The following HLA-F variants were observed in gnomAD, a reference collection of about 807,000 sequenced individuals.
HLA-F encodes the protein HLA class I histocompatibility antigen, alpha chain F.
HLA-F carries 46 observed loss-of-function variants against 49.5 expected under a neutral mutation model. The observed-to-expected ratio is 0.93, with a 90% CI of 0.73 to 1.19. HLA-F has a LOEUF of 1.19. HLA-F is among the 50% of genes most tolerant of loss of function. The pLI, the probability that HLA-F is intolerant of heterozygous loss-of-function variation, is 0.00. For missense variants in HLA-F, 496 were observed against 579.6 expected (o/e 0.86, Z 1.48); for synonymous variants, 203 against 233.5 (o/e 0.87, Z 1.19).
downstream of HLA-F, chr6:29,727,888 G>C: frequency 4.0e-6 from 2 of 500,340 alleles, no homozygotes; most frequent in Admixed American, 4.0e-5. Context: ...TCCAGACCTA[G>C]ACTCCCTTCC....
chr6:29,724,525 T>A, intron 3 of HLA-F, 77 bp downstream of exon 3: 1 of 1,485,532 alleles, frequency 6.7e-7, no homozygotes, highest in Non-Finnish European at 9.3e-7. Context: ...GGGAGGAAAG[T>A]GGACCCAATG....
downstream of HLA-F, among the ~76,000 whole-genome samples, chr6:29,727,805 A>C (rs1260844841): frequency 6.6e-6 from 1 of 152,044 alleles, no homozygotes; most frequent in African/African-American, 2.4e-5. Flanking sequence ...CACTCTCCCC[A>C]TTCCTCACGA....
chr6:29,724,253 T>C lies in HLA-F; in HGVS notation c.415T>C (p.Tyr139His). The change falls in exon 3 of 7, where the codon TAC becomes CAC. Residue 139 changes from tyrosine (Y) to histidine (H), a missense_variant. By Grantham distance (83) the Tyr-to-His change is moderately conservative (BLOSUM62 2). Coordinates refer to ENST00000259951, the MANE Select transcript of HLA-F (RefSeq NM_001098479.2). Reference protein sequence around the residue: ...RLLRGYHQHAYDGKDYISLNE... With the variant: ...RLLRGYHQHAHDGKDYISLNE... ...CCTCCGCGGGTATCACCAGCACGCG[T>C]ACGACGGCAAGGATTACATCTCCCT... is the stretch of plus-strand genomic sequence containing the variant. The C allele has an allele frequency of 1.2e-6, 2 of 1,613,210 alleles. No homozygotes were observed. The highest frequency in any genetic ancestry group is 3.3e-5 in the Admixed American group (2 of 60,020).
At position 29,725,455 on chromosome 6, in the gene HLA-F, C is replaced by T. The variant is rs1478570189; in HGVS notation, c.895C>T (p.Pro299Ser). ...TTCCCTTCCTTTCCCAGAGCAGTCTCCCCAGCCCACCATCCCCATCGTGGG... is the reference window on the plus strand; with the variant it reads ...TTCCCTTCCTTTCCCAGAGCAGTCTTCCCAGCCCACCATCCCCATCGTGGG... ...QPLILRWEQS[P>S]QPTIPIVGIV... Residue 299 changes from proline to serine, a missense_variant, in exon 5 of 7, where the codon CCC becomes TCC. Pro to Ser is a moderately conservative substitution (Grantham distance 74, BLOSUM62 -1). Coordinates refer to ENST00000259951, the MANE Select transcript of HLA-F (RefSeq NM_001098479.2). The T allele has an allele frequency of 1.2e-6, 2 of 1,613,542 alleles. No individual in the cohort carries two copies. Among genetic ancestry groups the T allele is most frequent in the African/African-American group, 2.7e-5 (2 of 74,832 alleles).
chr6:29,724,026 G>C (rs916875032), intron 2 of HLA-F, 99 bp downstream of exon 2: 2 of 1,548,306 alleles, frequency 1.3e-6, no homozygotes, highest in Non-Finnish European at 1.7e-6. Flanking sequence ...TCTACCCCGA[G>C]GCAGCGGGAC....
chr6:29,723,650 GC>G lies in HLA-F; in HGVS notation c.65-3del. 6.2e-7 allele frequency: 1 copy of G among 1,606,044 alleles called. No homozygotes were observed. The highest frequency in any genetic ancestry group is 1.7e-5 in the Admixed American group (1 of 59,448). ...GTCTGGCGGGTCTCAGCCCCTCCTC[GC>G]CCCCAGGCTCCCACTCCTTGAGGTA... On this transcript the variant is annotated splice_polypyrimidine_tract_variant and splice_region_variant and intron_variant, in intron 1 of 6. Transcript: ENST00000259951.
In HLA-F at chr6:29,724,303, C is replaced by T. The variant is rs1230372887; in HGVS notation, c.465C>T (p.Thr155=). Residue 155 remains threonine, a synonymous_variant, in exon 3 of 7, where the codon ACC becomes ACT. Transcript: ENST00000259951. ...TGAACGAGGACCTGCGCTCCTGGAC[C>T]GCGGCGGACACCGTGGCTCAGATCA... The part of the protein sequence containing the change: ...ISLNEDLRSW[T]AADTVAQITQ... The T allele has an allele frequency of 6.2e-7, 1 of 1,613,236 alleles. No homozygotes were observed. The highest frequency in any genetic ancestry group is 1.3e-5 in the African/African-American group (1 of 75,054).
chr6:29,736,535 A>T, intron 3 of HLA-F: 1 of 382,440 alleles, frequency 2.6e-6, no homozygotes, highest in South Asian at 1.9e-5. Flanking sequence ...GACAAACCAT[A>T]AGTGGGCCGT....
intron 3 of HLA-F, chr6:29,737,637 A>C (rs1345941554): frequency 6.6e-6 from 1 of 152,162 alleles, no homozygotes; most frequent in Non-Finnish European, 1.5e-5. Flanking sequence ...CCATTTTTAG[A>C]TCTTTTATCT....
chr6:29,726,329 A>G, intron 6 of HLA-F: 1 of 1,491,592 alleles, frequency 6.7e-7, no homozygotes, highest in Non-Finnish European at 9.3e-7. Context: ...TGTCTTGAGC[A>G]TGAAATGGGC....
At chr6:29,735,111 T>C (rs750994152) in intron 3 of HLA-F, 4 of 151,254 alleles carry the variant, frequency 2.6e-5, no homozygotes, top group Non-Finnish European at 5.9e-5. Flanking sequence ...AAAGGAAGAA[T>C]TAAACACCAA....
At chr6:29,734,245 A>G (rs973772726) in intron 3 of HLA-F, among the ~76,000 whole-genome samples, 1 of 152,186 alleles carries the variant, frequency 6.6e-6, no homozygotes. Context: ...TCCTAGAGCT[A>G]TTGTTAGTTC....
intron 3 of HLA-F, among the ~76,000 whole-genome samples, chr6:29,733,918 C>T (rs767125121): frequency 4.6e-5 from 7 of 152,142 alleles, no homozygotes; most frequent in Non-Finnish European, 8.8e-5. Flanking sequence ...CCTAAGACAG[C>T]GAGATGGATT....
At chr6:29,737,672 A>T (rs1777236674) in intron 3 of HLA-F, 2 of 152,150 alleles carry the variant, frequency 1.3e-5, no homozygotes, top group South Asian at 4.1e-4. Flanking sequence ...GGGGTTTTTT[A>T]TGACAAAAAC....
chr6:29,725,546 G>A lies in HLA-F; in HGVS notation c.986G>A (p.Trp329Ter). 1 of 1,614,080 alleles carries A rather than the reference G, an allele frequency of 6.2e-7. No individual in the cohort carries two copies. Among genetic ancestry groups the A allele is most frequent in the Non-Finnish European group, 8.5e-7 (1 of 1,179,946 alleles). Residue 329 changes from tryptophan (W) to a stop codon, truncating the protein, a stop_gained, in exon 5 of 7, where the codon TGG becomes TAG. Coordinates refer to ENST00000259951, the MANE Select transcript of HLA-F (RefSeq NM_001098479.2). LOFTEE classifies it high-confidence loss of function. ...VTGAVVAAVMWRKKSSDRNRG... is the reference protein window; with the variant it reads ...VTGAVVAAVM The stretch of plus-strand genomic sequence containing the variant: ...GGAGCTGTGGTCGCTGCTGTGATGT[G>A]GAGGAAGAAGAGCTCAGGTAGGAAG...
chr6:29,727,566 A>G (rs779982371), downstream of HLA-F, among the ~76,000 whole-genome samples: 4 of 152,144 alleles, frequency 2.6e-5, no homozygotes, highest in East Asian at 3.9e-4. Flanking sequence ...TCTAACTGCT[A>G]TGCCTCCTAA....
chr6:29,724,929 C>T, intron 3 of HLA-F, 102 bp from the exon 4 acceptor site: 2 of 1,342,544 alleles, frequency 1.5e-6, no homozygotes, highest in South Asian at 1.4e-5. Flanking sequence ...GTGCTCCCTT[C>T]CCCACCCCAG....
intron 6 of HLA-F, chr6:29,726,297 T>C: frequency 8.2e-7 from 1 of 1,212,396 alleles, no homozygotes; most frequent in Non-Finnish European, 1.2e-6. Context: ...TCAGCTGTGC[T>C]ATTGGGTTTC....
chr6:29,728,869 G>A (rs1776337568), downstream of HLA-F: 1 of 152,120 alleles, frequency 6.6e-6, no homozygotes, highest in Admixed American at 6.5e-5. Context: ...TCTCCCTTCA[G>A]CGACGCATTG....
Sources: allele counts gnomAD v4.1 joint callset (sites outside exome capture counted in the v4.1 genomes callset), GRCh38; gene constraint gnomAD v4.1.1; transcripts MANE v1.5; gene names NCBI Gene and HGNC (gene_info 2026-07-23, HGNC 2026-07-21).